Variants in DTNA observed in about 807,000 individuals in gnomAD.
The protein encoded by DTNA is dystrobrevin alpha, also known as dystrophin-related protein 3.
DTNA carries 43 observed loss-of-function variants against 100.7 expected under a neutral mutation model. That is an observed-to-expected ratio of 0.43 (90% CI 0.33 to 0.55). DTNA has a LOEUF of 0.55. Ranked by LOEUF, DTNA falls within the 20% of genes least tolerant of loss-of-function variation. The pLI, the probability that DTNA is intolerant of heterozygous loss-of-function variation, is 0.04. For missense variants in DTNA, 798 were observed against 953.9 expected, an observed-to-expected ratio of 0.84 and a Z score of 2.15; for synonymous variants, 349 against 347.9, an observed-to-expected ratio of 1.00 and a Z score of -0.04.
At position 34,887,863 on chromosome 18, in the gene DTNA, C is replaced by T. The variant is rs2096937083; in HGVS notation, c.*129C>T. On this transcript the variant is annotated 3_prime_UTR_variant, in exon 23 of 23. Coordinates refer to ENST00000444659, the MANE Select transcript of DTNA (RefSeq NM_001386795.1). ...GAGGAGGAAGACAGCAGCCTGGCAG[C>T]AGCCTCACCGAAGAGAGGAACCACC... The T allele has an allele frequency of 3.0e-6, 3 of 986,570 alleles. No homozygotes were observed. Among genetic ancestry groups the T allele is most frequent in the Non-Finnish European group, 3.6e-6 (3 of 830,328 alleles). The allele number at this position is 986,570 out of a possible 1,614,324, so 61.1% of individuals were successfully genotyped here. A position where few individuals can be genotyped will look rare whatever the true frequency, so the allele number is the denominator to read the frequency against.
At chr18:34,537,763 A>G (rs560971659) in intron 1 of DTNA, among the ~76,000 whole-genome samples, 3 of 152,100 alleles carry the variant, frequency 2.0e-5, no homozygotes, top group Admixed American at 6.6e-5. Flanking sequence ...AAAGAGGAAT[A>G]AGATGGGGAA....
chr18:34,718,837 T>G (rs2084625678), intron 1 of DTNA, among the ~76,000 whole-genome samples: 1 of 152,150 alleles, frequency 6.6e-6, no homozygotes, highest in Admixed American at 6.5e-5. Context: ...ATGTGTGGCT[T>G]GATACTAGGA....
chr18:34,875,920 G>A (rs2096811564), intron 18 of DTNA, among the ~76,000 whole-genome samples: 1 of 152,218 alleles, frequency 6.6e-6, no homozygotes, highest in South Asian at 2.1e-4. Flanking sequence ...AGTACAAAGA[G>A]GGATGGGGAT....
chr18:34,814,240 C>T (rs1248232944), intron 6 of DTNA, among the ~76,000 whole-genome samples: 5 of 152,142 alleles, frequency 3.3e-5, no homozygotes, highest in Non-Finnish European at 7.3e-5. Flanking sequence ...TTACTTCACC[C>T]AGTCATGGAA....
chr18:34,585,321 G>C (rs981822865), intron 1 of DTNA, among the ~76,000 whole-genome samples: 2 of 152,086 alleles, frequency 1.3e-5, no homozygotes, highest in African/African-American at 2.4e-5. Flanking sequence ...TTCTATTGGA[G>C]AGTTTGAGGA....
intron 1 of DTNA, among the ~76,000 whole-genome samples, chr18:34,726,739 T>C (rs1366521651): frequency 6.6e-6 from 1 of 152,226 alleles, no homozygotes; most frequent in Non-Finnish European, 1.5e-5. Flanking sequence ...TCTCCTGGAT[T>C]GGAGTTGAGT....
chr18:34,705,607 A>G (rs1042854644), upstream of DTNA, among the ~76,000 whole-genome samples: 32 of 152,250 alleles, frequency 2.1e-4, no homozygotes, highest in Non-Finnish European at 8.8e-5. Context: ...AAAATGAGGT[A>G]TAATACTAAA....
At chr18:34,778,270 C>T (rs924166386) in intron 3 of DTNA, among the ~76,000 whole-genome samples, 3 of 152,002 alleles carry the variant, frequency 2.0e-5, no homozygotes, top group Non-Finnish European at 4.4e-5. Flanking sequence ...ATAAACCAAG[C>T]CAATTTACTA....
At chr18:34,756,143 T>C in intron 2 of DTNA, 100 bp downstream of exon 2, 1 of 1,380,350 alleles carries the variant, frequency 7.2e-7, no homozygotes, top group Middle Eastern at 2.0e-4. Flanking sequence ...GTACTTTTCC[T>C]TAGGATCCTA....
chr18:34,868,290 T>C (rs2096729602), intron 17 of DTNA: 3 of 255,532 alleles, frequency 1.2e-5, no homozygotes, highest in South Asian at 1.5e-4. Context: ...TACTGGACGA[T>C]AGAAAAGGAA....
chr18:34,797,209 G>A (rs1602197439), intron 4 of DTNA, among the ~76,000 whole-genome samples: 1 of 152,170 alleles, frequency 6.6e-6, no homozygotes, highest in Admixed American at 6.5e-5. Flanking sequence ...AAAAATGGCT[G>A]TATTCCTGGG....
intron 3 of DTNA, among the ~76,000 whole-genome samples, chr18:34,784,765 T>C (rs755418388): frequency 3.9e-5 from 6 of 152,156 alleles, no homozygotes; most frequent in Admixed American, 6.5e-5. Context: ...TAATGCATTG[T>C]AGAGCCTTAA....
At chr18:34,712,998 A>G (rs960040676) in intron 1 of DTNA, among the ~76,000 whole-genome samples, 1 of 152,188 alleles carries the variant, frequency 6.6e-6, no homozygotes, top group Non-Finnish European at 1.5e-5. Flanking sequence ...TATCATCTAG[A>G]TACTCCATTT....
intron 1 of DTNA, among the ~76,000 whole-genome samples, chr18:34,506,323 T>C (rs757510821): frequency 2.0e-5 from 3 of 151,096 alleles, no homozygotes; most frequent in Non-Finnish European, 3.0e-5. Flanking sequence ...ACCATTACTA[T>C]TGACAACATA....
intron 13 of DTNA, among the ~76,000 whole-genome samples, chr18:34,847,007 A>C (rs1408311100): frequency 1.3e-5 from 2 of 152,186 alleles, no homozygotes; most frequent in African/African-American, 4.8e-5. Context: ...TTTATGAATG[A>C]GAGGAACTAG....
intron 1 of DTNA, among the ~76,000 whole-genome samples, chr18:34,598,372 C>G (rs1328693911): frequency 3.3e-5 from 5 of 151,916 alleles, no homozygotes; most frequent in Non-Finnish European, 7.4e-5. Flanking sequence ...CAAATCTAGT[C>G]CAGAATGTTA....
At chr18:34,644,282 T>G (rs1237073007) in intron 1 of DTNA, among the ~76,000 whole-genome samples, 1 of 152,108 alleles carries the variant, frequency 6.6e-6, no homozygotes, top group Admixed American at 6.6e-5. Context: ...TCATGGAACA[T>G]GTAGGAGTCG....
chr18:34,703,049 A>C (rs1405976892), intron 1 of DTNA, among the ~76,000 whole-genome samples: 1 of 152,204 alleles, frequency 6.6e-6, no homozygotes, highest in Non-Finnish European at 1.5e-5. Context: ...AACAGATAAA[A>C]TAGTCTTTAT....
Position 34,716,438 on chromosome 18 carries a change from C to T in DTNA, c.-2+5993C>T, listed in dbSNP as rs555310067. ...ATTAGCTGGGCGTGGTGGCAGGCGC[C>T]TGTAATCCCAGCTACTTGTGAGGCT... On this transcript the variant is annotated intron_variant, in intron 1 of 22. Transcript: ENST00000444659. Among the ~76,000 whole-genome samples, 9 of 152,262 alleles carry T rather than the reference C, an allele frequency of 5.9e-5. 1 individual carries two copies. The South Asian group carries it at 6.2e-4, about 11-fold the overall frequency.
Sources: allele counts gnomAD v4.1 joint callset (sites outside exome capture counted in the v4.1 genomes callset), GRCh38; gene constraint gnomAD v4.1.1; transcripts MANE v1.5; gene names NCBI Gene and HGNC (gene_info 2026-07-23, HGNC 2026-07-21).